VPS53: variants seen among roughly 807,000 people sequenced by gnomAD.
VPS53 encodes vacuolar protein sorting-associated protein 53 homolog.
Under a neutral mutation model 107.0 loss-of-function variants are expected in VPS53, and 70 were observed. That is an observed-to-expected ratio of 0.65 (90% CI 0.54 to 0.80). The LOEUF is 0.80. Among genes scored for constraint, VPS53 ranks in the 30% least tolerant of loss-of-function variants. VPS53 has a pLI of 0.00. For missense variants in VPS53, 917 were observed against 1,049.4 expected (o/e 0.87, Z 1.74); for synonymous variants, 409 against 393.3 (o/e 1.04, Z -0.47).
Position 566,219 on chromosome 17 carries a change from A to G in VPS53, c.1314-3474T>C, listed in dbSNP as rs565872010. ...ACTCCGTCTCAAAAAAAAAAAAAAA[A>G]AAAGAAAGAAATAACCTATCTTCTC... On this transcript the variant is annotated intron_variant, in intron 13 of 21. Coordinates refer to ENST00000437048, the MANE Select transcript of VPS53 (RefSeq NM_001128159.3). Among the ~76,000 whole-genome samples, 277 of 151,898 alleles carry G rather than the reference A, an allele frequency of 1.8e-3. 1 individual carries two copies. The highest frequency in any genetic ancestry group is 3.3e-3 in the Non-Finnish European group (223 of 67,904).
At chr17:609,075 C>T (rs866299260) in intron 11 of VPS53, among the ~76,000 whole-genome samples, 19 of 152,144 alleles carry the variant, frequency 1.2e-4, no homozygotes, top group South Asian at 4.1e-4. Flanking sequence ...CAGTGGTTTT[C>T]GGACATTCAC....
intron 4 of VPS53, among the ~76,000 whole-genome samples, chr17:665,292 G>A (rs923933342): frequency 3.3e-5 from 5 of 151,702 alleles, no homozygotes; most frequent in African/African-American, 4.8e-5. Context: ...GTGAGAAGGC[G>A]CTCGCCGCGG....
At chr17:702,309 GAGCCACTGAACTGT>G (rs1171534259) in intron 2 of VPS53, among the ~76,000 whole-genome samples, 59 of 152,160 alleles carry the variant, frequency 3.9e-4, no homozygotes, top group South Asian at 2.3e-3. Flanking sequence ...AGCTGTGATG[GAGCCACTGAACTGT>G]AGCCTGGGTG....
intron 13 of VPS53, among the ~76,000 whole-genome samples, chr17:571,413 T>C (rs1914045685): frequency 6.6e-6 from 1 of 152,232 alleles, no homozygotes; most frequent in African/African-American, 2.4e-5. Context: ...GCTCTTTGTA[T>C]AATTCTTATA....
At chr17:661,626 C>T (rs1288446328) in intron 5 of VPS53, among the ~76,000 whole-genome samples, 183 bp downstream of exon 5, 1 of 151,996 alleles carries the variant, frequency 6.6e-6, no homozygotes, top group African/African-American at 2.4e-5. Flanking sequence ...GGTGAGCCAC[C>T]ACTGACCAGC....
intron 16 of VPS53, 38 bp from the exon 17 acceptor site, chr17:551,988 A>G (rs760587953): frequency 6.5e-7 from 1 of 1,530,400 alleles, no homozygotes; most frequent in South Asian, 1.2e-5. Context: ...ACCCTTTCAA[A>G]CAACGGCCGT....
chr17:521,225 A>T (rs900611799), intron 20 of VPS53, among the ~76,000 whole-genome samples: 1 of 152,238 alleles, frequency 6.6e-6, no homozygotes, highest in Non-Finnish European at 1.5e-5. Context: ...AAAGTGGCAG[A>T]GTACAGAAAG....
intron 12 of VPS53, among the ~76,000 whole-genome samples, chr17:589,494 C>T (rs1300613955): frequency 2.6e-5 from 4 of 151,142 alleles, no homozygotes; most frequent in Non-Finnish European, 4.4e-5. Context: ...TTCTAAAGGT[C>T]GGGGGGGAGT....
chr17:582,832 C>T (rs910223515), intron 13 of VPS53, among the ~76,000 whole-genome samples: 2 of 151,460 alleles, frequency 1.3e-5, no homozygotes, highest in Non-Finnish European at 2.9e-5. Flanking sequence ...CCCTCAGAAC[C>T]TAATGTGTTC....
rs1056126419 is a variant in VPS53, at chr17:519,980, G to A, written c.2224-50C>T. The A allele has an allele frequency of 1.2e-4, 154 of 1,338,116 alleles. No homozygotes were observed. Among genetic ancestry groups the A allele is most frequent in the Non-Finnish European group, 1.5e-4 (144 of 953,442 alleles). The allele number at this position is 1,338,116 out of a possible 1,614,324, so 82.9% of individuals were successfully genotyped here. ...AGCCCCTCAGGAAAACTACCACCAC[G>A]GGAGGAGACAGGAGCGGGCCCTCAA... On this transcript the variant is annotated intron_variant, in intron 20 of 21. Coordinates refer to ENST00000437048, the MANE Select transcript of VPS53 (RefSeq NM_001128159.3). This position sits in a 1 kb window ranked among gnomAD's most constrained non-coding sequence, Gnocchi z 5.0.
intron 5 of VPS53, chr17:657,305 G>A: frequency 1.3e-6 from 1 of 788,622 alleles, no homozygotes; most frequent in Non-Finnish European, 2.2e-6. Context: ...TGTCAATGCT[G>A]ATGACATCCA....
intron 5 of VPS53, chr17:657,537 C>T: frequency 1.5e-6 from 2 of 1,327,866 alleles, no homozygotes; most frequent in African/African-American, 1.4e-5. Context: ...CTTCTTGGCA[C>T]CACGAGCCAT....
At chr17:610,644 G>A (rs930083399) in intron 11 of VPS53, among the ~76,000 whole-genome samples, 6 of 151,968 alleles carry the variant, frequency 3.9e-5, no homozygotes, top group Non-Finnish European at 7.4e-5. Context: ...GCCTGGGCAT[G>A]GTGGCTCACG....
Position 520,512 on chromosome 17 carries a change from G to T in VPS53, c.2224-582C>A, listed in dbSNP as rs1422868689. ...CTTAAAATCTGTAACTTCATGTAACGACTAACTTAAACTATCAATTAACAT... is the reference window on the plus strand; with the variant it reads ...CTTAAAATCTGTAACTTCATGTAACTACTAACTTAAACTATCAATTAACAT... On this transcript the variant is annotated intron_variant, in intron 20 of 21. Transcript: ENST00000437048. This position sits in a 1 kb window ranked among gnomAD's most constrained non-coding sequence, Gnocchi z 4.4. 1.3e-5 allele frequency among the ~76,000 whole-genome samples: 2 copies of T among 152,134 alleles called. No homozygotes were observed. Among genetic ancestry groups the T allele is most frequent in the Non-Finnish European group, 2.9e-5 (2 of 68,026 alleles).
chr17:619,595 C>T, intron 11 of VPS53, among the ~76,000 whole-genome samples: 1 of 110,086 alleles, frequency 9.1e-6, no homozygotes, highest in East Asian at 2.8e-4. Flanking sequence ...TAATATTTCC[C>T]GGGTAGCTGG....
intron 2 of VPS53, among the ~76,000 whole-genome samples, chr17:703,526 T>A (rs970131414): frequency 1.3e-5 from 2 of 152,216 alleles, no homozygotes; most frequent in Non-Finnish European, 1.5e-5. Context: ...CCTGTGGGAA[T>A]CCACATTGGC....
chr17:690,331 T>C (rs1434418810), intron 4 of VPS53, among the ~76,000 whole-genome samples: 2 of 152,226 alleles, frequency 1.3e-5, no homozygotes, highest in Non-Finnish European at 2.9e-5. Flanking sequence ...AAGAAAGACC[T>C]GGGACAGTAC....
intron 13 of VPS53, among the ~76,000 whole-genome samples, chr17:564,646 G>A (rs1171737076): frequency 6.6e-6 from 1 of 152,108 alleles, no homozygotes; most frequent in Non-Finnish European, 1.5e-5. Flanking sequence ...GAACTCAGGA[G>A]GCGGAGGTTG....
chr17:547,666 C>A (rs1179381801), intron 17 of VPS53, among the ~76,000 whole-genome samples: 2 of 152,142 alleles, frequency 1.3e-5, no homozygotes, highest in African/African-American at 4.8e-5. Flanking sequence ...AAAATAGAGT[C>A]TCACTCTGTC....
Sources: gnomAD v4.1 joint callset for allele counts (sites outside exome capture counted in the v4.1 genomes callset) on GRCh38, gnomAD v4.1.1 for gene constraint, Gnocchi (gnomAD v3.1) non-coding constraint, MANE v1.5 for transcripts, NCBI Gene and HGNC (gene_info 2026-07-23, HGNC 2026-07-21) for gene names.